The following FGF14 variants were observed in gnomAD, a reference collection of about 807,000 sequenced individuals.
FGF14 encodes the protein fibroblast growth factor homologous factor 4.
A neutral mutation model predicts 25.5 loss-of-function variants in FGF14; 5 were observed. That is an observed-to-expected ratio of 0.20 (90% confidence interval 0.10 to 0.41). FGF14 has a LOEUF of 0.41. Ranked by LOEUF, FGF14 falls within the 10% of genes least tolerant of loss-of-function variation. The pLI is 1.00. For missense variants in FGF14, 222 were observed against 320.1 expected (o/e 0.69, Z 2.34); for synonymous variants, 138 against 118.3 (o/e 1.17, Z -1.08).
chr13:101,944,536 C>T (rs1312524536), intron 1 of FGF14, among the ~76,000 whole-genome samples: 2 of 152,068 alleles, frequency 1.3e-5, no homozygotes, highest in East Asian at 1.9e-4. Flanking sequence ...CTATCAAATA[C>T]GTATTAAAGA....
At position 101,916,537 on chromosome 13, in the gene FGF14, G is replaced by A; in HGVS notation, c.109C>T (p.Arg37Cys). The A allele has an allele frequency of 6.2e-7, 1 of 1,613,654 alleles. No individual in the cohort carries two copies. Among genetic ancestry groups the A allele is most frequent in the Non-Finnish European group, 8.5e-7 (1 of 1,179,922 alleles). The change falls in exon 1 of 5, where the codon CGC becomes TGC. Residue 37 changes from arginine (R) to cysteine (C), a missense_variant. Around this residue, in one of 5 missense-constraint regions of FGF14, gnomAD observed 80 missense variants for 72.2 expected, o/e 1.11. Coordinates refer to ENST00000376143, the MANE Select transcript of FGF14 (RefSeq NM_004115.4). ...ACCAGGTTGCCGTTGCAGAGCCCGCGGTTCTTGCTGGGGCTGCTCCGCCTC... is the reference window on the plus strand; with the variant it reads ...ACCAGGTTGCCGTTGCAGAGCCCGCAGTTCTTGCTGGGGCTGCTCCGCCTC... ...SRRRSSPSKN[R>C]GLCNGNLVDI...
intron 1 of FGF14, among the ~76,000 whole-genome samples, chr13:102,382,208 T>G (rs953695487): frequency 6.6e-5 from 10 of 152,028 alleles, no homozygotes; most frequent in African/African-American, 2.4e-4. Flanking sequence ...ATCCACAGAA[T>G]GGGATAAAAT....
chr13:102,325,849 GT>G (rs1395526906), intron 1 of FGF14, among the ~76,000 whole-genome samples: 3 of 152,132 alleles, frequency 2.0e-5, no homozygotes, highest in African/African-American at 7.2e-5. Context: ...TCATTCATCT[GT>G]TCACTGGTGT....
chr13:101,886,869 T>TA (rs1273778679), intron 1 of FGF14, among the ~76,000 whole-genome samples: 1 of 152,076 alleles, frequency 6.6e-6, no homozygotes, highest in East Asian at 1.9e-4. Context: ...AAACCCCATT[T>TA]AAAAATGGAC....
At chr13:101,809,178 T>A (rs949591514) in intron 3 of FGF14, among the ~76,000 whole-genome samples, 1 of 152,092 alleles carries the variant, frequency 6.6e-6, no homozygotes, top group African/African-American at 2.4e-5. Context: ...TGTTTTACAA[T>A]AACATAATAT....
exon 1 of FGF14, chr13:102,401,483 T>C: frequency 6.2e-7 from 1 of 1,614,192 alleles, no homozygotes; most frequent in East Asian, 2.2e-5. Flanking sequence ...GTTGGGTTCT[T>C]GTTTTTCTTA....
At chr13:102,371,369 T>G (rs986389690) in intron 1 of FGF14, among the ~76,000 whole-genome samples, 7 of 151,974 alleles carry the variant, frequency 4.6e-5, no homozygotes, top group African/African-American at 1.7e-4. Flanking sequence ...GGTTTGAGGG[T>G]TTTTTTATTC....
At chr13:102,020,825 C>T (rs1206089363) in intron 1 of FGF14, among the ~76,000 whole-genome samples, 2 of 151,708 alleles carry the variant, frequency 1.3e-5, no homozygotes, top group East Asian at 1.9e-4. Flanking sequence ...ACAATGTGTA[C>T]TCAGAGTTAA....
At chr13:102,231,834 A>G (rs575119369) in intron 1 of FGF14, among the ~76,000 whole-genome samples, 1 of 152,096 alleles carries the variant, frequency 6.6e-6, no homozygotes, top group African/African-American at 2.4e-5. Flanking sequence ...CACCTGCAAG[A>G]TAGTCAGTAT....
intron 1 of FGF14, among the ~76,000 whole-genome samples, chr13:102,215,189 T>A (rs925611450): frequency 2.6e-5 from 4 of 152,186 alleles, no homozygotes; most frequent in Non-Finnish European, 5.9e-5. Context: ...TTGCTCCCAC[T>A]CTTCTGGTCC....
At chr13:101,803,830 T>C (rs1240072503) in intron 3 of FGF14, among the ~76,000 whole-genome samples, 2 of 152,138 alleles carry the variant, frequency 1.3e-5, no homozygotes, top group East Asian at 1.9e-4. Context: ...ATCTCAGACA[T>C]ATTGCATTTC....
chr13:102,097,935 C>G (rs1566681538), intron 1 of FGF14, among the ~76,000 whole-genome samples: 1 of 152,220 alleles, frequency 6.6e-6, no homozygotes, highest in Non-Finnish European at 1.5e-5. Context: ...CATCAGCAGT[C>G]AACCCGAGAA....
At chr13:101,794,818 G>A (rs561699459) in intron 3 of FGF14, among the ~76,000 whole-genome samples, 20 of 152,130 alleles carry the variant, frequency 1.3e-4, no homozygotes, top group Middle Eastern at 6.8e-3. Context: ...GAAGTTTATC[G>A]AAACAGATGT....
intron 1 of FGF14, among the ~76,000 whole-genome samples, chr13:102,261,292 A>G (rs1016524349): frequency 6.6e-6 from 1 of 152,236 alleles, no homozygotes; most frequent in African/African-American, 2.4e-5. Flanking sequence ...GGCTGTTACA[A>G]TAAGTTTTAA....
rs183369600 is a variant in FGF14, at chr13:102,220,620, G to A, written c.208+180851C>T. On this transcript the variant is annotated intron_variant, in intron 1 of 4. Coordinates refer to the FGF14 transcript ENST00000376131. ...GCACAAAAGTAAAATATTTGATCAC[G>A]TTCTTGCTTTAAAATAACAGAGTTT... Among the ~76,000 whole-genome samples, 19 of 152,256 alleles carry A rather than the reference G, an allele frequency of 1.2e-4. No homozygotes were observed. The South Asian group carries it at 3.3e-3, about 27-fold the overall frequency.
intron 1 of FGF14, among the ~76,000 whole-genome samples, chr13:101,912,282 C>T (rs920094847): frequency 6.6e-6 from 1 of 151,966 alleles, no homozygotes; most frequent in African/African-American, 2.4e-5. Context: ...AGTAAGAAGC[C>T]CAGGCACCTG....
At chr13:102,373,031 ATTT>A (rs2057934771) in intron 1 of FGF14, among the ~76,000 whole-genome samples, 1 of 152,132 alleles carries the variant, frequency 6.6e-6, no homozygotes, top group Non-Finnish European at 1.5e-5. Context: ...CTACTTAAAT[ATTT>A]ATCAGTGATG....
At chr13:102,392,790 T>C (rs904942071) in intron 1 of FGF14, among the ~76,000 whole-genome samples, 1 of 152,214 alleles carries the variant, frequency 6.6e-6, no homozygotes, top group African/African-American at 2.4e-5. Flanking sequence ...TGCCTGTCAC[T>C]GCCTTATTCT....
At chr13:102,144,631 A>G (rs1200504515) in intron 1 of FGF14, among the ~76,000 whole-genome samples, 1 of 152,192 alleles carries the variant, frequency 6.6e-6, no homozygotes, top group Non-Finnish European at 1.5e-5. Context: ...TAGCTTATTT[A>G]TGTAGTACAT....
Sources: allele counts gnomAD v4.1 joint callset (sites outside exome capture counted in the v4.1 genomes callset), GRCh38; gene constraint gnomAD v4.1.1; regional missense constraint gnomAD v4.1.1; transcripts MANE v1.5; gene names NCBI Gene and HGNC (gene_info 2026-07-23, HGNC 2026-07-21).